MOV10L1: variants seen among roughly 807,000 people sequenced by gnomAD.
MOV10L1 encodes RNA helicase Mov10l1.
In MOV10L1, 110 loss-of-function variants were observed where a neutral mutation model predicts 143.8. The ratio of observed to expected loss-of-function variants is 0.76; its 90% CI spans 0.66 to 0.90. The LOEUF (loss-of-function observed/expected upper bound fraction) is 0.90. Among genes scored for constraint, MOV10L1 ranks in the 40% least tolerant of loss-of-function variants. MOV10L1 has a pLI of 0.00. For synonymous variants in MOV10L1, 593 were observed against 581.1 expected, an observed-to-expected ratio of 1.02 and a Z score of -0.29; for missense variants, 1,406 against 1,526.8, an observed-to-expected ratio of 0.92 and a Z score of 1.32.
chr22:50,120,049 G>A (rs765528392), intron 9 of MOV10L1, among the ~76,000 whole-genome samples: 3 of 152,126 alleles, frequency 2.0e-5, no homozygotes, highest in Admixed American at 6.6e-5. Flanking sequence ...AGAAACCACA[G>A]GCTGGGAAAC....
chr22:50,107,989 G>A (rs111608066), intron 3 of MOV10L1, 147 bp from the exon 4 acceptor site: 224 of 694,350 alleles, frequency 3.2e-4, no homozygotes, highest in African/African-American at 1.9e-3. Flanking sequence ...TTTTTTATTC[G>A]AAAATATGTT....
intron 12 of MOV10L1, among the ~76,000 whole-genome samples, chr22:50,127,930 G>A (rs866336361): frequency 3.9e-5 from 6 of 152,096 alleles, no homozygotes; most frequent in South Asian, 2.1e-4. Context: ...CCAGCACCAC[G>A]CCTGGGTCCT....
chr22:50,092,862 A>C (rs116326556), intron 2 of MOV10L1: 2 of 152,148 alleles, frequency 1.3e-5, no homozygotes, highest in Non-Finnish European at 2.9e-5. Flanking sequence ...CTTAATTTGC[A>C]CTTAAGCCTT....
chr22:50,102,207 AC>A (rs1431338181), intron 3 of MOV10L1, among the ~76,000 whole-genome samples: 7 of 152,166 alleles, frequency 4.6e-5, no homozygotes, highest in African/African-American at 1.4e-4. Context: ...CAATCACAAA[AC>A]CTAAGGACCA....
chr22:50,126,827 G>A (rs1404478035), intron 12 of MOV10L1, among the ~76,000 whole-genome samples: 1 of 152,208 alleles, frequency 6.6e-6, no homozygotes, highest in Non-Finnish European at 1.5e-5. Context: ...CTTGAAGGGA[G>A]AATGCCAGAG....
chr22:50,149,851 G>A (rs2063249468), intron 20 of MOV10L1, 137 bp downstream of exon 20: 1 of 676,196 alleles, frequency 1.5e-6, no homozygotes, highest in East Asian at 2.7e-5. Flanking sequence ...GGTGTTGGGG[G>A]CCATGGGTCT....
In MOV10L1 at chr22:50,161,029, A is replaced by G; in HGVS notation, c.3528A>G (p.Leu1176=). 1 of 1,614,032 alleles carries G rather than the reference A, an allele frequency of 6.2e-7. No homozygotes were observed. Among genetic ancestry groups the G allele is most frequent in the Non-Finnish European group, 8.5e-7 (1 of 1,180,010 alleles). ...ACGGTGTTTACATGGGATGCGATTT[A>G]CCTCCTGCACTGCAGTCTCTGCAAA... ...ITNGVYMGCD[L]PPALQSLQNC... Residue 1176 remains leucine (L), a synonymous_variant, in exon 26 of 27, where the codon TTA becomes TTG. Transcript: ENST00000262794.
intron 18 of MOV10L1, among the ~76,000 whole-genome samples, chr22:50,144,642 C>G (rs561314399): frequency 6.7e-6 from 1 of 149,702 alleles, no homozygotes; most frequent in Non-Finnish European, 1.5e-5. Flanking sequence ...AGTGCAGTGG[C>G]ATGATCTCGG....
intron 19 of MOV10L1, among the ~76,000 whole-genome samples, chr22:50,148,389 G>A (rs927168684): frequency 2.6e-5 from 4 of 152,158 alleles, no homozygotes; most frequent in South Asian, 2.1e-4. Flanking sequence ...TGTGCCGAGC[G>A]AGCTCCTGCT....
chr22:50,160,808 C>T lies in MOV10L1; in HGVS notation c.3445C>T (p.Pro1149Ser), dbSNP rs1001157059. Residue 1149 changes from proline (P) to serine (S), a missense_variant, in exon 25 of 27, where the codon CCC (proline) becomes TCC (serine). Coordinates refer to ENST00000262794, the MANE Select transcript of MOV10L1 (RefSeq NM_018995.3). ...AGCTTTGCTGATAGTGCTGGGAAAC[C>T]CCCATGTTCTCGTTCGAGTGAGTTT... ...PKALLIVLGN[P>S]HVLVRDPCFG... The T allele has an allele frequency of 2.0e-5, 33 of 1,613,862 alleles. No individual in the cohort carries two copies. The highest frequency in any genetic ancestry group is 2.8e-5 in the Non-Finnish European group (33 of 1,179,994).
At chr22:50,151,133 C>T (rs1381052729) in intron 21 of MOV10L1, among the ~76,000 whole-genome samples, 1 of 152,242 alleles carries the variant, frequency 6.6e-6, no homozygotes, top group African/African-American at 2.4e-5. Context: ...ACTCTGTTAA[C>T]GTTAAGAAAA....
rs1231662085 is a variant in MOV10L1 at position 50,158,752 on chromosome 22, C to CA, written c.3216+548dup. 1 of 152,678 alleles carries CA rather than the reference C, an allele frequency of 6.5e-6. No individual in the cohort carries two copies. The highest frequency in any genetic ancestry group is 2.4e-5 in the African/African-American group (1 of 41,410). 9.5% of individuals were successfully genotyped at this position (152,678 alleles called of 1,614,324 possible). ...TGTGTCCCTGTGGTGTTCACACCAC[C>CA]AAGCAGAACTTGGAAAGAACCCCCA... On this transcript the variant is annotated intron_variant, in intron 23 of 26. Coordinates refer to ENST00000262794, the MANE Select transcript of MOV10L1 (RefSeq NM_018995.3). This position sits in a 1 kb window ranked among gnomAD's most constrained non-coding sequence, Gnocchi z 5.0.
At chr22:50,108,282 T>G in intron 4 of MOV10L1, 34 bp downstream of exon 4, 1 of 1,572,170 alleles carries the variant, frequency 6.4e-7, no homozygotes, top group African/African-American at 1.3e-5. Flanking sequence ...TCTCTGTGCT[T>G]CTGGCAGACC....
At chr22:50,101,497 G>A (rs888372598) in intron 3 of MOV10L1, among the ~76,000 whole-genome samples, 4 of 151,606 alleles carry the variant, frequency 2.6e-5, no homozygotes, top group African/African-American at 7.3e-5. Context: ...GAGCCACTGC[G>A]CCTGACCTTT....
intron 9 of MOV10L1, among the ~76,000 whole-genome samples, chr22:50,120,239 C>G (rs1004606301): frequency 6.6e-6 from 1 of 152,118 alleles, no homozygotes; most frequent in Non-Finnish European, 1.5e-5. Flanking sequence ...GGGGTTCCAG[C>G]CCTGTTTTCC....
chr22:50,094,915 G>A (rs943539767), intron 2 of MOV10L1: 13 of 152,160 alleles, frequency 8.5e-5, no homozygotes, highest in African/African-American at 3.1e-4. Flanking sequence ...CAGCAGTTTC[G>A]ATTTATTAAA....
intron 22 of MOV10L1, among the ~76,000 whole-genome samples, chr22:50,156,411 TG>T (rs1487119325): frequency 2.0e-5 from 3 of 152,190 alleles, no homozygotes; most frequent in Admixed American, 1.3e-4. Flanking sequence ...CCACCACGCC[TG>T]GACTCCATTT....
At chr22:50,129,433 A>C (rs763453914) in intron 13 of MOV10L1, among the ~76,000 whole-genome samples, 1 of 152,190 alleles carries the variant, frequency 6.6e-6, no homozygotes, top group Non-Finnish European at 1.5e-5. Flanking sequence ...CGAGATTTTC[A>C]CTAAACATTG....
intron 3 of MOV10L1, among the ~76,000 whole-genome samples, chr22:50,107,867 G>A (rs958774819): frequency 4.6e-5 from 7 of 152,214 alleles, no homozygotes; most frequent in African/African-American, 1.2e-4. Flanking sequence ...TGTGCCACAC[G>A]AGGAGGGACT....
Sources: allele counts gnomAD v4.1 joint callset (sites outside exome capture counted in the v4.1 genomes callset), GRCh38; gene constraint gnomAD v4.1.1; non-coding constraint Gnocchi (gnomAD v3.1); transcripts MANE v1.5; gene names NCBI Gene and HGNC (gene_info 2026-07-23, HGNC 2026-07-21).